CDH10: variants seen among roughly 807,000 people sequenced by gnomAD.
The protein encoded by CDH10 is cadherin 10, also known as cadherin-10.
Under a neutral mutation model 73.1 loss-of-function variants are expected in CDH10, and 30 were observed. The observed-to-expected ratio is 0.41, with a 90% confidence interval of 0.31 to 0.56. The LOEUF (loss-of-function observed/expected upper bound fraction) is 0.56, where lower values mean the gene tolerates loss of function less well. Among genes scored for constraint, CDH10 ranks in the 20% least tolerant of loss-of-function variants. The pLI is 0.27. For missense variants in CDH10, 815 were observed against 973.7 expected (o/e 0.84, Z 2.17); for synonymous variants, 345 against 348.2 (o/e 0.99, Z 0.10).
chr5:24,535,816 G>A lies in CDH10; in HGVS notation c.533C>T (p.Ser178Phe), dbSNP rs2111884192. The A allele has an allele frequency of 6.2e-7, 1 of 1,607,022 alleles. No homozygotes were observed. Among genetic ancestry groups the A allele is most frequent in the Non-Finnish European group, 8.5e-7 (1 of 1,175,506 alleles). Reference protein sequence around the residue: ...SVPEMSVVGTSVVQVTATDAD... With the variant: ...SVPEMSVVGTFVVQVTATDAD... ...ATCTGTAGCTGTGACTTGCACCACA[G>A]AAGTACCTGAAGTATCCAAATTCAG... Residue 178 changes from serine to phenylalanine, a missense_variant, in exon 4 of 12, where the codon TCT (serine) becomes TTT (phenylalanine). Around this residue, in one of 3 missense-constraint regions of CDH10, gnomAD observed 516 missense variants for 636.6 expected, o/e 0.81. Transcript: ENST00000264463.
rs1314200084 is a variant in CDH10, at chr5:24,507,356, T to C, written c.1257-2108A>G. ...ATTATTTTTGCTATAATATGTATAA[T>C]ATTATACCTAAGAGTATTATAATAT... is the stretch of plus-strand genomic sequence containing the variant. On this transcript the variant is annotated intron_variant, in intron 7 of 11. Transcript: ENST00000264463. 3.3e-5 allele frequency among the ~76,000 whole-genome samples: 5 copies of C among 151,272 alleles called. No individual in the cohort carries two copies. The East Asian group carries it at 9.7e-4, about 29-fold the overall frequency.
chr5:24,504,511 T>G (rs1427869223), intron 8 of CDH10, among the ~76,000 whole-genome samples: 296 of 18,158 alleles, frequency 0.016, 74 homozygotes, highest in South Asian at 0.039. Flanking sequence ...TTAATCTTTT[T>G]TTTTTTTTTT....
intron 5 of CDH10, among the ~76,000 whole-genome samples, chr5:24,527,816 TC>T (rs1486254458): frequency 6.6e-6 from 1 of 151,722 alleles, no homozygotes; most frequent in Non-Finnish European, 1.5e-5. Flanking sequence ...AGAGAGACAA[TC>T]AGTAAAAGAG....
At chr5:24,502,137 T>A (rs563467970) in intron 8 of CDH10, among the ~76,000 whole-genome samples, 1 of 152,228 alleles carries the variant, frequency 6.6e-6, no homozygotes, top group East Asian at 1.9e-4. Flanking sequence ...TTAGCCAGGA[T>A]GGTCTCGATC....
At chr5:24,520,589 G>A (rs184463280) in intron 5 of CDH10, among the ~76,000 whole-genome samples, 1 of 152,162 alleles carries the variant, frequency 6.6e-6, no homozygotes, top group Admixed American at 6.5e-5. Context: ...AGGAGAGGAT[G>A]ATATATGCAC....
chr5:24,583,375 A>G (rs1439549391), intron 2 of CDH10, among the ~76,000 whole-genome samples: 1 of 152,160 alleles, frequency 6.6e-6, no homozygotes, highest in Non-Finnish European at 1.5e-5. Flanking sequence ...CTGAGGATCA[A>G]GATGAGAATC....
intron 1 of CDH10, among the ~76,000 whole-genome samples, chr5:24,617,808 C>T (rs958482269): frequency 2.6e-5 from 4 of 152,174 alleles, no homozygotes; most frequent in Non-Finnish European, 2.9e-5. Flanking sequence ...ATGATACCCA[C>T]CTCCCCGCCT....
At position 24,543,457 on chromosome 5, in the gene CDH10, A is replaced by G. The variant is rs148795537; in HGVS notation, c.232-5783T>C. On this transcript the variant is annotated intron_variant, in intron 2 of 11. Coordinates refer to ENST00000264463, the MANE Select transcript of CDH10 (RefSeq NM_006727.5). ...TTTATGCTAAGTTTTTACATACATT[A>G]ACCTGAAAATAACGAAATTATTAAA... Among the ~76,000 whole-genome samples, 481 of 152,322 alleles carry G rather than the reference A, an allele frequency of 3.2e-3. 4 individuals are homozygous for G. The highest frequency in any genetic ancestry group is 0.011 in the African/African-American group (454 of 41,582).
rs1195142390 is a variant in CDH10, at chr5:24,487,723, G to A, written c.2307C>T (p.Gly769=). 3 of 1,613,086 alleles carry A rather than the reference G, an allele frequency of 1.9e-6. No homozygotes were observed. Among genetic ancestry groups the A allele is most frequent in the East Asian group, 2.2e-5 (1 of 44,862 alleles). ...TTTCTGCTAGCTTATTAAACCGAGGGCCCCATTCTCGGAGGTAATCGTAGT... is the reference window on the plus strand; with the variant it reads ...TTTCTGCTAGCTTATTAAACCGAGGACCCCATTCTCGGAGGTAATCGTAGT... ...DQNYDYLREW[G]PRFNKLAEMY... The change falls in exon 12 of 12, where the codon GGC becomes GGT. Residue 769 remains glycine (G), a synonymous_variant. Coordinates refer to ENST00000264463, the MANE Select transcript of CDH10 (RefSeq NM_006727.5).
intron 2 of CDH10, among the ~76,000 whole-genome samples, chr5:24,543,485 G>T (rs1054465904): frequency 6.6e-6 from 1 of 151,964 alleles, no homozygotes; most frequent in African/African-American, 2.4e-5. Flanking sequence ...TTATTAAATA[G>T]ATTTTTCAAT....
intron 5 of CDH10, among the ~76,000 whole-genome samples, chr5:24,532,743 C>T (rs1182728400): frequency 6.6e-6 from 1 of 152,010 alleles, no homozygotes; most frequent in African/African-American, 2.4e-5. Context: ...AAATAAATGT[C>T]TCTTGCTTTT....
At chr5:24,531,129 G>C (rs1013992545) in intron 5 of CDH10, among the ~76,000 whole-genome samples, 1 of 151,840 alleles carries the variant, frequency 6.6e-6, no homozygotes, top group African/African-American at 2.4e-5. Flanking sequence ...CCCTCTATTG[G>C]TGGCTAGATC....
chr5:24,578,519 T>C (rs954666411), intron 2 of CDH10: 10 of 334,058 alleles, frequency 3.0e-5, no homozygotes, highest in African/African-American at 2.2e-4. Flanking sequence ...TGCTATACTC[T>C]GATCCATTAG....
chr5:24,552,534 C>T (rs577129277), intron 2 of CDH10, among the ~76,000 whole-genome samples: 13 of 151,820 alleles, frequency 8.6e-5, no homozygotes, highest in Non-Finnish European at 2.9e-5. Flanking sequence ...TCTTCTTTTT[C>T]TGTTAATGTT....
At chr5:24,568,958 AAATTAG>A in intron 2 of CDH10, among the ~76,000 whole-genome samples, 2 of 151,896 alleles carry the variant, frequency 1.3e-5, no homozygotes, top group Non-Finnish European at 2.9e-5. Flanking sequence ...AAAAATTCAA[AAATTAG>A]CTGTCCGTGG....
At chr5:24,515,336 G>A (rs966770527) in intron 5 of CDH10, among the ~76,000 whole-genome samples, 1 of 152,108 alleles carries the variant, frequency 6.6e-6, no homozygotes, top group African/African-American at 2.4e-5. Flanking sequence ...GAAAATTCCA[G>A]TCTTATGCAA....
chr5:24,504,552 A>C (rs183115816), intron 8 of CDH10, among the ~76,000 whole-genome samples: 3 of 75,428 alleles, frequency 4.0e-5, no homozygotes, highest in African/African-American at 1.2e-4. Flanking sequence ...TTAAGATGGA[A>C]TCTCGCTCTG....
chr5:24,609,425 A>G (rs755812123), intron 1 of CDH10, among the ~76,000 whole-genome samples: 2 of 152,128 alleles, frequency 1.3e-5, no homozygotes, highest in Non-Finnish European at 2.9e-5. Flanking sequence ...GCTCCACACA[A>G]TCCAGTGTGC....
intron 9 of CDH10, among the ~76,000 whole-genome samples, chr5:24,495,510 C>T (rs186922508): frequency 2.1e-4 from 32 of 151,886 alleles, no homozygotes; most frequent in Admixed American, 1.8e-3. Context: ...CTATGGGAAG[C>T]CTTGGAGTTT....
Sources: gnomAD v4.1 joint callset for allele counts (sites outside exome capture counted in the v4.1 genomes callset) on GRCh38, gnomAD v4.1.1 for gene constraint, gnomAD v4.1.1 regional missense constraint, MANE v1.5 for transcripts, NCBI Gene and HGNC (gene_info 2026-07-23, HGNC 2026-07-21) for gene names.